PEG3: variants seen among roughly 807,000 people sequenced by gnomAD.
The protein encoded by PEG3 is paternally expressed 3.
Under a neutral mutation model 35.5 loss-of-function variants are expected in PEG3, and 23 were observed. The observed-to-expected ratio is 0.65, with a 90% CI of 0.47 to 0.92. The LOEUF is 0.92. Ranked by LOEUF, PEG3 falls within the 40% of genes least tolerant of loss-of-function variation. The pLI, the probability that PEG3 is intolerant of heterozygous loss-of-function variation, is 0.00. For missense variants in PEG3, 1,960 were observed against 1,985.3 expected (o/e 0.99, Z 0.24); for synonymous variants, 707 against 697.0 (o/e 1.01, Z -0.23).
chr19:56,825,460 T>C (rs2060928240), intron 3 of PEG3, among the ~76,000 whole-genome samples: 1 of 152,240 alleles, frequency 6.6e-6, no homozygotes, highest in Non-Finnish European at 1.5e-5. Flanking sequence ...TTTCTTACTG[T>C]TTCTTTACTT....
chr19:56,821,612 A>T (rs1245343626), intron 7 of PEG3, 39 bp downstream of exon 7: 1 of 1,609,234 alleles, frequency 6.2e-7, no homozygotes, highest in South Asian at 1.1e-5. Flanking sequence ...CCATGAAATG[A>T]AGATGGCCTT....
At chr19:56,834,029 C>A (rs2061832763) in intron 2 of PEG3, among the ~76,000 whole-genome samples, 1 of 152,198 alleles carries the variant, frequency 6.6e-6, no homozygotes. Context: ...GAAATAATAT[C>A]TAAGAGTTCA....
rs1223213474 is a variant in PEG3, at chr19:56,813,036, G to A, written c.*639C>T. The A allele has an allele frequency of 2.0e-6, 2 of 985,266 alleles. No individual in the cohort carries two copies. The highest frequency in any genetic ancestry group is 2.4e-6 in the Non-Finnish European group (2 of 829,638). 61.0% of individuals were successfully genotyped at this position (985,266 alleles called of 1,614,324 possible). ...TCTTTTCAAACAGTAAGGAGTAAAA[G>A]CCATGTTATCTATCATGCCTACAGC... is the stretch of plus-strand genomic sequence containing the variant. On this transcript the variant is annotated 3_prime_UTR_variant, in exon 10 of 10. Transcript: ENST00000326441.
At position 56,812,983 on chromosome 19, in the gene PEG3, T is replaced by C. The variant is rs769638373; in HGVS notation, c.*692A>G. ...TTCCAAAGTGTTGGCGCAGATGAAA[T>C]GGCTGCAGAAAGAAGCTAAAGTACT... On this transcript the variant is annotated 3_prime_UTR_variant, in exon 10 of 10. Transcript: ENST00000326441. 3 of 985,764 alleles carry C rather than the reference T, an allele frequency of 3.0e-6. No homozygotes were observed. The highest frequency in any genetic ancestry group is 3.6e-6 in the Non-Finnish European group (3 of 829,894). 61.1% of individuals were successfully genotyped at this position (985,764 alleles called of 1,614,324 possible).
Position 56,822,838 on chromosome 19 carries a change from T to C in PEG3, c.482-2A>G, listed in dbSNP as rs935958065. ...CCCTCCGGTCCCAGTCCCGGTCACC[T>C]AAGCAGGTGAGACATTCCAGTGGTT... On this transcript the variant is annotated splice_acceptor_variant, in intron 5 of 9. Coordinates refer to ENST00000326441, the MANE Select transcript of PEG3 (RefSeq NM_006210.3). LOFTEE classifies it high-confidence loss of function. 6.2e-7 allele frequency: 1 copy of C among 1,613,010 alleles called. No homozygotes were observed. Among genetic ancestry groups the C allele is most frequent in the Non-Finnish European group, 8.5e-7 (1 of 1,179,550 alleles).
Position 56,824,419 on chromosome 19 carries a change from G to T in PEG3, c.237C>A (p.Thr79=). The T allele has an allele frequency of 6.2e-7, 1 of 1,614,148 alleles. No homozygotes were observed. Among genetic ancestry groups the T allele is most frequent in the Middle Eastern group, 1.7e-4 (1 of 6,060 alleles). ...GCTCGATGATCTCCTCCTTGGTGCG[G>T]GTCTCCGGCTGCAACCAATCGAGGC... ...NLCLDWLQPE[T]RTKEEIIELL... is the part of the protein sequence containing the mutation. The change falls in exon 4 of 10, where the codon ACC becomes ACA. Residue 79 remains threonine, a synonymous_variant. Transcript: ENST00000326441.
intron 1 of PEG3, among the ~76,000 whole-genome samples, chr19:56,838,732 G>T (rs912572370): frequency 6.6e-6 from 1 of 152,202 alleles, no homozygotes; most frequent in African/African-American, 2.4e-5. Flanking sequence ...CAGATGCGGG[G>T]ACTGAGCCAG....
Position 56,811,842 on chromosome 19 carries a change from T to C in PEG3, c.*1833A>G. 3 of 985,580 alleles carry C rather than the reference T, an allele frequency of 3.0e-6. No individual in the cohort carries two copies. Among genetic ancestry groups the C allele is most frequent in the Non-Finnish European group, 3.6e-6 (3 of 830,044 alleles). The allele number at this position is 985,580 out of a possible 1,614,324, so 61.1% of individuals were successfully genotyped here. A position where few individuals can be genotyped will look rare whatever the true frequency, so the allele number is the denominator to read the frequency against. ...TCAATTCATTCTCAGAAACCTGGCC[T>C]TCTACAGTTCTTGCCTCTGGTGTTT... On this transcript the variant is annotated 3_prime_UTR_variant, in exon 10 of 10. Coordinates refer to ENST00000326441, the MANE Select transcript of PEG3 (RefSeq NM_006210.3).
intron 2 of PEG3, among the ~76,000 whole-genome samples, chr19:56,827,752 A>G (rs2061189862): frequency 6.6e-6 from 1 of 152,224 alleles, no homozygotes; most frequent in South Asian, 2.1e-4. Flanking sequence ...AACCCTTTAA[A>G]ATAAGGCAAC....
intron 7 of PEG3, 119 bp downstream of exon 7, chr19:56,821,532 G>A: frequency 1.6e-6 from 2 of 1,252,756 alleles, no homozygotes; most frequent in South Asian, 2.8e-5. Flanking sequence ...CTGGAGCGCT[G>A]GGACTCTCAC....
chr19:56,818,436 A>G (rs747553062), intron 8 of PEG3, among the ~76,000 whole-genome samples, 164 bp downstream of exon 8: 7 of 152,174 alleles, frequency 4.6e-5, no homozygotes, highest in African/African-American at 7.2e-5. Context: ...TAAAAACACA[A>G]ATTTTATCAT....
At chr19:56,822,584 G>T in intron 6 of PEG3, 169 bp downstream of exon 6, 1 of 785,884 alleles carries the variant, frequency 1.3e-6, no homozygotes, top group Non-Finnish European at 2.0e-6. Context: ...TGTGCTGGTG[G>T]TACCGAGTGG....
Position 56,815,295 on chromosome 19 carries a change from G to C in PEG3, c.3147C>G (p.Asn1049Lys), listed in dbSNP as rs1168898381. 1.2e-6 allele frequency: 2 copies of C among 1,614,208 alleles called. No homozygotes were observed. The highest frequency in any genetic ancestry group is 3.3e-5 in the Admixed American group (2 of 60,026). The change falls in exon 10 of 10, where the codon AAC (asparagine) becomes AAG (lysine). Residue 1049 changes from asparagine to lysine, a missense_variant. Asn to Lys is a moderately conservative substitution (Grantham distance 94). Transcript: ENST00000326441. ...FFATSEDLNT[N>K]QKIYDQEKSH... The stretch of plus-strand genomic sequence containing the variant: ...ACTTCTCTTGGTCATAGATTTTCTG[G>C]TTTGTGTTGAGGTCTTCGCTGGTAG...
Position 56,814,178 on chromosome 19 carries a change from C to T in PEG3, c.4264G>A (p.Ala1422Thr). ...GCAGCCTCTCCATCTGGCCCTTCAG[C>T]CTCTCCGTTTGGCTCAGCAGCCTCC... ...EVEAAEPNGE[A>T]EGPDGEAAEP... Residue 1422 changes from alanine to threonine, a missense_variant, in exon 10 of 10, where the codon GCT becomes ACT. By Grantham distance (58) the Ala-to-Thr change is moderately conservative. Transcript: ENST00000326441. The surrounding 1 kb of genome is among the most constrained non-coding windows in gnomAD (Gnocchi z 5.8). 9 of 1,614,150 alleles carry T rather than the reference C, an allele frequency of 5.6e-6. No homozygotes were observed. Among genetic ancestry groups the T allele is most frequent in the Non-Finnish European group, 7.6e-6 (9 of 1,180,040 alleles).
intron 2 of PEG3, among the ~76,000 whole-genome samples, chr19:56,835,613 G>A (rs547427602): frequency 2.0e-5 from 3 of 152,314 alleles, no homozygotes; most frequent in Admixed American, 6.5e-5. Context: ...GTTTTCCACA[G>A]CTTTAATTCC....
Position 56,822,970 on chromosome 19 carries a change from C to A in PEG3, c.482-134G>T. ...GGAGATGGATCCAAAACAGAGAGCT[C>A]CAGGTTCCCAGGCTCATCTGGCCCC... On this transcript the variant is annotated intron_variant, in intron 5 of 9. Coordinates refer to ENST00000326441, the MANE Select transcript of PEG3 (RefSeq NM_006210.3). 2 of 1,178,288 alleles carry A rather than the reference C, an allele frequency of 1.7e-6. 1 individual carries two copies. Among genetic ancestry groups the A allele is most frequent in the Non-Finnish European group, 2.4e-6 (2 of 835,492 alleles). The allele number at this position is 1,178,288 out of a possible 1,614,324, so 73.0% of individuals were successfully genotyped here.
intron 2 of PEG3, among the ~76,000 whole-genome samples, chr19:56,828,431 T>C (rs1478539580): frequency 6.6e-6 from 1 of 152,162 alleles, no homozygotes; most frequent in African/African-American, 2.4e-5. Context: ...CACAGACCCA[T>C]CTGCCCATGT....
chr19:56,816,738 A>C lies in PEG3; in HGVS notation c.1704T>G (p.Cys568Trp), dbSNP rs142884879. The C allele has an allele frequency of 1.2e-6, 2 of 1,614,154 alleles. No homozygotes were observed. Among genetic ancestry groups the C allele is most frequent in the African/African-American group, 2.7e-5 (2 of 75,034 alleles). ...GKDKFYECRVCKETFLHSSAL... is the reference protein window; with the variant it reads ...GKDKFYECRVWKETFLHSSAL... ...CAGAACTATGAAGGAAGGTTTCCTT[A>C]CACACCCTGCACTCGTAGAATTTGT... Residue 568 changes from cysteine (C) to tryptophan (W), a missense_variant, in exon 10 of 10, where the codon TGT becomes TGG. Around this residue, in one of 5 missense-constraint regions of PEG3, gnomAD observed 798 missense variants for 782.4 expected, o/e 1.02. Coordinates refer to ENST00000326441, the MANE Select transcript of PEG3 (RefSeq NM_006210.3).
In PEG3 at chr19:56,815,511, G is replaced by A. The variant is rs774070417; in HGVS notation, c.2931C>T (p.Cys977=). The A allele has an allele frequency of 1.2e-6, 2 of 1,614,070 alleles. No homozygotes were observed. The change falls in exon 10 of 10, where the codon TGC becomes TGT. Residue 977 remains cysteine, a synonymous_variant. Transcript: ENST00000326441. ...MLYECQECGE[C]FAHSSDLTEH... ...CAGTGAGGTCAGAGCTATGAGCAAA[G>A]CACTCCCCACACTCCTGACATTCAT...
Sources: gnomAD v4.1 joint callset for allele counts (sites outside exome capture counted in the v4.1 genomes callset) on GRCh38, gnomAD v4.1.1 for gene constraint, gnomAD v4.1.1 regional missense constraint, Gnocchi (gnomAD v3.1) non-coding constraint, MANE v1.5 for transcripts, NCBI Gene and HGNC (gene_info 2026-07-23, HGNC 2026-07-21) for gene names.